The following FAM107B variants were observed in gnomAD, a reference collection of about 807,000 sequenced individuals.
FAM107B encodes the protein protein FAM107B.
A neutral mutation model predicts 31.5 loss-of-function variants in FAM107B; 21 were observed. That is an observed-to-expected ratio of 0.67 (90% confidence interval 0.47 to 0.96). The LOEUF (loss-of-function observed/expected upper bound fraction) is 0.96. FAM107B is among the 40% of genes least tolerant of loss of function. The pLI is 0.00. For synonymous variants in FAM107B, 157 were observed against 141.5 expected (o/e 1.11, Z -0.78); for missense variants, 452 against 377.1 (o/e 1.20, Z -1.64).
At chr10:14,576,919 C>G (rs897945759) in intron 2 of FAM107B, among the ~76,000 whole-genome samples, 2 of 152,044 alleles carry the variant, frequency 1.3e-5, no homozygotes, top group African/African-American at 2.4e-5. Context: ...AATGTGTTGC[C>G]TCTATTAAAC....
intron 2 of FAM107B, among the ~76,000 whole-genome samples, chr10:14,565,556 T>G (rs1448996193): frequency 6.6e-6 from 1 of 152,188 alleles, no homozygotes; most frequent in African/African-American, 2.4e-5. Flanking sequence ...TGTTACAGAC[T>G]CACTGCATTT....
chr10:14,764,786 T>C (rs188081594), intron 1 of FAM107B, among the ~76,000 whole-genome samples: 10 of 152,340 alleles, frequency 6.6e-5, no homozygotes, highest in Non-Finnish European at 7.3e-5. Context: ...ACATACCCAG[T>C]GAGTGGAATA....
rs149932801 is a variant in FAM107B at position 14,697,047 on chromosome 10, G to A, written c.412-29356C>T. On this transcript the variant is annotated intron_variant, in intron 1 of 4. Coordinates refer to ENST00000181796, the MANE Select transcript of FAM107B (RefSeq NM_031453.4). ...GATACATTGACAGTCTAGAGAGAGA[G>A]AAAAAAAATGGGGAGGCACAGGGAG... is the stretch of plus-strand genomic sequence containing the variant. Among the ~76,000 whole-genome samples, 210 of 152,020 alleles carry A rather than the reference G, an allele frequency of 1.4e-3. 1 individual carries two copies. The highest frequency in any genetic ancestry group is 4.7e-3 in the African/African-American group (196 of 41,466).
intron 1 of FAM107B, among the ~76,000 whole-genome samples, chr10:14,690,861 CA>C (rs1403384196): frequency 6.6e-6 from 1 of 152,262 alleles, no homozygotes; most frequent in East Asian, 1.9e-4. Flanking sequence ...GAACAGGATG[CA>C]AAAACTATAT....
intron 2 of FAM107B, among the ~76,000 whole-genome samples, chr10:14,593,053 T>C (rs1169934156): frequency 6.6e-6 from 1 of 152,164 alleles, no homozygotes; most frequent in Non-Finnish European, 1.5e-5. Context: ...ATTCAGCGGG[T>C]TAATATTTTA....
intron 1 of FAM107B, among the ~76,000 whole-genome samples, chr10:14,707,865 C>G (rs971621963): frequency 6.6e-6 from 1 of 152,144 alleles, no homozygotes; most frequent in Non-Finnish European, 1.5e-5. Context: ...TTCAATGAAT[C>G]CCAGCTTGTG....
intron 2 of FAM107B, among the ~76,000 whole-genome samples, chr10:14,643,552 G>A (rs1371195701): frequency 6.6e-6 from 1 of 151,878 alleles, no homozygotes; most frequent in Non-Finnish European, 1.5e-5. Flanking sequence ...TGGGACTACA[G>A]ACACATGCCA....
chr10:14,705,911 C>G (rs1755867008), intron 1 of FAM107B, among the ~76,000 whole-genome samples: 2 of 152,174 alleles, frequency 1.3e-5, no homozygotes, highest in Non-Finnish European at 2.9e-5. Context: ...AAGTTACCTA[C>G]AGATCAAGGT....
intron 1 of FAM107B, among the ~76,000 whole-genome samples, chr10:14,755,738 G>C (rs140770047): frequency 2.0e-5 from 3 of 152,240 alleles, no homozygotes; most frequent in Non-Finnish European, 4.4e-5. Context: ...ATATCTTTAA[G>C]ATGATGAGGA....
chr10:14,707,949 G>A (rs990213453), intron 1 of FAM107B, among the ~76,000 whole-genome samples: 1 of 152,222 alleles, frequency 6.6e-6, no homozygotes, highest in African/African-American at 2.4e-5. Flanking sequence ...GGCACAGCAT[G>A]TGTTAAAATA....
At chr10:14,595,187 A>G (rs1269972119) in intron 2 of FAM107B, among the ~76,000 whole-genome samples, 1 of 152,174 alleles carries the variant, frequency 6.6e-6, no homozygotes, top group Admixed American at 6.5e-5. Flanking sequence ...AAATTACACA[A>G]CTGTGTACAT....
chr10:14,557,754 C>T (rs148668939), intron 2 of FAM107B, among the ~76,000 whole-genome samples: 87 of 152,284 alleles, frequency 5.7e-4, no homozygotes, highest in African/African-American at 2.0e-3. Flanking sequence ...TCCTTATTGA[C>T]GGAGGAGTAG....
intron 2 of FAM107B, among the ~76,000 whole-genome samples, chr10:14,647,488 G>T (rs1252410988): frequency 1.3e-5 from 2 of 152,054 alleles, no homozygotes; most frequent in Non-Finnish European, 2.9e-5. Flanking sequence ...AAGCCAGCCT[G>T]ACCAACTTGG....
intron 3 of FAM107B, chr10:14,522,351 G>A (rs899662959): frequency 3.8e-5 from 8 of 208,308 alleles, no homozygotes; most frequent in Admixed American, 3.2e-4. Context: ...TGACAGAGAC[G>A]GAGATGGTCA....
intron 2 of FAM107B, among the ~76,000 whole-genome samples, chr10:14,654,795 C>G (rs1055610967): frequency 6.6e-6 from 1 of 152,118 alleles, no homozygotes; most frequent in Admixed American, 6.5e-5. Context: ...AAATCCCGTT[C>G]CCTTTTACTA....
intron 1 of FAM107B, among the ~76,000 whole-genome samples, chr10:14,691,826 G>A (rs144913837): frequency 2.6e-5 from 4 of 151,292 alleles, no homozygotes; most frequent in African/African-American, 7.3e-5. Context: ...CCTGGGAAGC[G>A]GAGGTTGCAG....
intron 1 of FAM107B, among the ~76,000 whole-genome samples, chr10:14,674,023 A>G (rs2131483650): frequency 6.6e-6 from 1 of 151,476 alleles, no homozygotes; most frequent in South Asian, 2.1e-4. Flanking sequence ...CGTTCCAAGT[A>G]TCTCTAGAAA....
chr10:14,717,716 G>A (rs747628480), intron 1 of FAM107B, among the ~76,000 whole-genome samples: 13 of 150,650 alleles, frequency 8.6e-5, no homozygotes, highest in Non-Finnish European at 1.5e-4. Context: ...TCTCCCAGTC[G>A]ACAGACTCAA....
intron 1 of FAM107B, among the ~76,000 whole-genome samples, chr10:14,670,931 C>T (rs1178548837): frequency 2.0e-5 from 3 of 152,226 alleles, no homozygotes; most frequent in Non-Finnish European, 4.4e-5. Flanking sequence ...TTGCTGAATG[C>T]GTTCGTAGTG....
Sources: allele counts gnomAD v4.1 joint callset (sites outside exome capture counted in the v4.1 genomes callset), GRCh38; gene constraint gnomAD v4.1.1; transcripts MANE v1.5; gene names NCBI Gene and HGNC (gene_info 2026-07-23, HGNC 2026-07-21).